The following COBLL1 variants were observed in gnomAD, a reference collection of about 807,000 sequenced individuals.
The protein encoded by COBLL1 is cordon-bleu protein-like 1.
Under a neutral mutation model 94.8 loss-of-function variants are expected in COBLL1, and 50 were observed. The ratio of observed to expected loss-of-function variants is 0.53; its 90% CI spans 0.42 to 0.67. The LOEUF is 0.67. Among genes scored for constraint, COBLL1 ranks in the 30% least tolerant of loss-of-function variants. The pLI is 0.00. For synonymous variants in COBLL1, 448 were observed against 473.8 expected (o/e 0.95, Z 0.71); for missense variants, 1,362 against 1,348.7 (o/e 1.01, Z -0.15).
rs537223319 is a variant in COBLL1, at chr2:164,743,681, G to A, written c.230+6C>T. 5 of 1,609,660 alleles carry A rather than the reference G, an allele frequency of 3.1e-6. No homozygotes were observed. The highest frequency in any genetic ancestry group is 4.3e-6 in the Non-Finnish European group (5 of 1,176,286). Reference sequence around the variant, plus strand: ...AGGTCCTGATATTTCATTTACTCCAGCGTACCTGCCATGAACAGTAGTAGA... The same window carrying A: ...AGGTCCTGATATTTCATTTACTCCAACGTACCTGCCATGAACAGTAGTAGA... On this transcript the variant is annotated splice_donor_region_variant and intron_variant, in intron 3 of 13. Coordinates refer to ENST00000652658, the MANE Select transcript of COBLL1 (RefSeq NM_001365672.2).
At chr2:164,733,074 A>C (rs1686103341) in intron 3 of COBLL1, among the ~76,000 whole-genome samples, 1 of 152,140 alleles carries the variant, frequency 6.6e-6, no homozygotes, top group African/African-American at 2.4e-5. Flanking sequence ...AACAAAACAA[A>C]ACACAAAACA....
At chr2:164,714,291 T>C (rs915119155) in intron 7 of COBLL1, among the ~76,000 whole-genome samples, 12 of 151,292 alleles carry the variant, frequency 7.9e-5, no homozygotes, top group African/African-American at 2.9e-4. Context: ...AAACTAAGTC[T>C]TACTCATGAT....
intron 1 of COBLL1, among the ~76,000 whole-genome samples, chr2:164,672,488 G>A (rs900763757): frequency 5.9e-5 from 9 of 151,628 alleles, no homozygotes; most frequent in Admixed American, 3.3e-4. Context: ...CATGAGGTCA[G>A]GAGATCGAGA....
intron 2 of COBLL1, among the ~76,000 whole-genome samples, chr2:164,784,332 G>T (rs1688847794): frequency 6.6e-6 from 1 of 151,976 alleles, no homozygotes; most frequent in African/African-American, 2.4e-5. Context: ...TATAATCCTA[G>T]GTCGTTTTAT....
intron 7 of COBLL1, among the ~76,000 whole-genome samples, chr2:164,708,019 A>C (rs1684693703): frequency 6.6e-6 from 1 of 152,210 alleles, no homozygotes; most frequent in African/African-American, 2.4e-5. Flanking sequence ...AAGGCAGGTC[A>C]CTTCAACAGG....
chr2:164,720,053 A>G (rs1286810542), intron 7 of COBLL1, among the ~76,000 whole-genome samples: 1 of 152,166 alleles, frequency 6.6e-6, no homozygotes, highest in Non-Finnish European at 1.5e-5. Flanking sequence ...AGTTAGTTGC[A>G]GAGATGCCTA....
At chr2:164,687,633 C>T in intron 13 of COBLL1, 1 of 963,898 alleles carries the variant, frequency 1.0e-6, no homozygotes, top group Non-Finnish European at 1.7e-6. Flanking sequence ...CATGAACATA[C>T]ATCTGAAAGG....
chr2:164,786,189 CTGTT>C (rs1211196387), intron 2 of COBLL1, among the ~76,000 whole-genome samples: 1 of 152,140 alleles, frequency 6.6e-6, no homozygotes, highest in Non-Finnish European at 1.5e-5. Flanking sequence ...TTCCTACACT[CTGTT>C]TGGAGTCTTT....
chr2:164,725,315 T>C (rs1685670394), intron 5 of COBLL1, among the ~76,000 whole-genome samples: 1 of 152,046 alleles, frequency 6.6e-6, no homozygotes, highest in Non-Finnish European at 1.5e-5. Context: ...TAAGATGGAA[T>C]ACACCGCTTA....
intron 2 of COBLL1, among the ~76,000 whole-genome samples, chr2:164,754,247 C>T (rs974816121): frequency 6.6e-6 from 1 of 152,258 alleles, no homozygotes; most frequent in East Asian, 1.9e-4. Context: ...TAAGGAAATA[C>T]ATTTACCATG....
chr2:164,839,811 G>T (rs1327337337), intron 2 of COBLL1, among the ~76,000 whole-genome samples: 4 of 152,058 alleles, frequency 2.6e-5, no homozygotes, highest in African/African-American at 9.7e-5. Flanking sequence ...TCATCCTAAT[G>T]TGAGAATATA....
chr2:164,825,856 T>C (rs188446580), intron 2 of COBLL1, among the ~76,000 whole-genome samples: 1 of 152,342 alleles, frequency 6.6e-6, no homozygotes, highest in East Asian at 1.9e-4. Context: ...CTCTTTTCAA[T>C]AACTGAAGTC....
At chr2:164,678,694 T>C (rs907629969), downstream of COBLL1, among the ~76,000 whole-genome samples, 1 of 152,098 alleles carries the variant, frequency 6.6e-6, no homozygotes, top group African/African-American at 2.4e-5. Flanking sequence ...TAACTAATAA[T>C]GAGCTAGTAT....
chr2:164,796,366 G>A (rs1683458776), intron 2 of COBLL1, among the ~76,000 whole-genome samples: 1 of 152,042 alleles, frequency 6.6e-6, no homozygotes, highest in Non-Finnish European at 1.5e-5. Flanking sequence ...AGATGAAAAT[G>A]AATTAACATG....
At chr2:164,759,816 AT>A (rs1687595066) in intron 2 of COBLL1, among the ~76,000 whole-genome samples, 1 of 152,218 alleles carries the variant, frequency 6.6e-6, no homozygotes. Context: ...GTTTAACAAC[AT>A]TATCTATTAG....
At chr2:164,690,242 T>C (rs970422643) in intron 13 of COBLL1, among the ~76,000 whole-genome samples, 1 of 152,162 alleles carries the variant, frequency 6.6e-6, no homozygotes, top group African/African-American at 2.4e-5. Context: ...CTTTACTAGA[T>C]ACTATGTCCA....
At chr2:164,828,601 C>T (rs149968882) in intron 2 of COBLL1, among the ~76,000 whole-genome samples, 17 of 152,232 alleles carry the variant, frequency 1.1e-4, no homozygotes, top group Middle Eastern at 3.4e-3. Flanking sequence ...AAATTATATA[C>T]GTACACCCAC....
chr2:164,761,942 C>T (rs1687703428), intron 2 of COBLL1, among the ~76,000 whole-genome samples: 1 of 152,192 alleles, frequency 6.6e-6, no homozygotes, highest in Non-Finnish European at 1.5e-5. Context: ...AGTTTTTCCA[C>T]TATCTCCCTG....
Position 164,682,689 on chromosome 2 carries a change from T to A in COBLL1, c.*3257A>T, listed in dbSNP as rs1440361913. 1.3e-5 allele frequency: 2 copies of A among 152,150 alleles called. No individual in the cohort carries two copies. Among genetic ancestry groups the A allele is most frequent in the African/African-American group, 4.8e-5 (2 of 41,432 alleles). The allele number at this position is 152,150 out of a possible 1,614,324, so 9.4% of individuals were successfully genotyped here. A position where few individuals can be genotyped will look rare whatever the true frequency, so the allele number is the denominator to read the frequency against. On this transcript the variant is annotated 3_prime_UTR_variant, in exon 14 of 14. Coordinates refer to ENST00000652658, the MANE Select transcript of COBLL1 (RefSeq NM_001365672.2). ...ATTGACATCAGGTAACTTTAAAAGA[T>A]GAATTGCCTGCCGTTTTTAAAATAA...
Sources: allele counts gnomAD v4.1 joint callset (sites outside exome capture counted in the v4.1 genomes callset), GRCh38; gene constraint gnomAD v4.1.1; transcripts MANE v1.5; gene names NCBI Gene and HGNC (gene_info 2026-07-23, HGNC 2026-07-21).